MCOLN1: variants seen among roughly 807,000 people sequenced by gnomAD.
MCOLN1 encodes the protein mucolipin TRP cation channel 1, also known as mucolipin-1.
MCOLN1 carries 50 observed loss-of-function variants against 70.3 expected under a neutral mutation model. That is an observed-to-expected ratio of 0.71 (90% CI 0.57 to 0.90). The LOEUF (loss-of-function observed/expected upper bound fraction) is 0.90. Ranked by LOEUF, MCOLN1 falls within the 40% of genes least tolerant of loss-of-function variation. MCOLN1 has a pLI of 0.00. For missense variants in MCOLN1, 598 were observed against 803.5 expected (o/e 0.74, Z 3.09); for synonymous variants, 366 against 341.0 (o/e 1.07, Z -0.81).
rs763962735 is a variant in MCOLN1 at position 7,533,846 on chromosome 19, C to T, written c.*51C>T. On this transcript the variant is annotated 3_prime_UTR_variant, in exon 14 of 14. Transcript: ENST00000264079. ...AGGCCCTGGACTGCAGAGACCCCCGCCCCCGACCCCGCTTATTTATTTGTA... is the reference window on the plus strand; with the variant it reads ...AGGCCCTGGACTGCAGAGACCCCCGTCCCCGACCCCGCTTATTTATTTGTA... 1.9e-6 allele frequency: 3 copies of T among 1,550,710 alleles called. No homozygotes were observed. Among genetic ancestry groups the T allele is most frequent in the South Asian group, 1.1e-5 (1 of 89,630 alleles).
chr19:7,525,137 G>A lies in MCOLN1; in HGVS notation c.208G>A (p.Val70Met). 6.2e-7 allele frequency: 1 copy of A among 1,614,162 alleles called. No individual in the cohort carries two copies. The highest frequency in any genetic ancestry group is 8.5e-7 in the Non-Finnish European group (1 of 1,180,040). ...GRKPCKLMLQ[V>M]VKILVVTVQL... ...CAAGCCCTGCAAGCTGATGCTGCAA[G>A]TGGTCAAGATCCTGGTGGTCACGGT... Residue 70 changes from valine (V) to methionine (M), a missense_variant, in exon 2 of 14, where the codon GTG becomes ATG. Physicochemically the swap from Val to Met is conservative, Grantham distance 21 (BLOSUM62 1). This residue lies in a region of MCOLN1 where 461 missense variants were observed against 588.4 expected (regional missense o/e 0.78). Coordinates refer to ENST00000264079, the MANE Select transcript of MCOLN1 (RefSeq NM_020533.3). This position sits in a 1 kb window ranked among gnomAD's most constrained non-coding sequence, Gnocchi z 4.2.
intron 9 of MCOLN1, 55 bp downstream of exon 9, chr19:7,529,025 T>C: frequency 6.2e-7 from 1 of 1,613,750 alleles, no homozygotes; most frequent in South Asian, 1.1e-5. Context: ...TCAGTGCCTA[T>C]CCGGGGCCAT....
In MCOLN1 at chr19:7,522,634, TG is replaced by T; in HGVS notation, c.-116del. On this transcript the variant is annotated 5_prime_UTR_variant, in exon 1 of 14. Transcript: ENST00000264079. ...TCACGTGACCGAGGCACAGATCAGC[TG>T]ATGCCGGAGGGTTTGAAGCCGCGCC... 9.0e-7 allele frequency: 1 copy of T among 1,113,130 alleles called. No homozygotes were observed. The highest frequency in any genetic ancestry group is 1.2e-6 in the Non-Finnish European group (1 of 820,086). 69.0% of individuals were successfully genotyped at this position (1,113,130 alleles called of 1,614,324 possible).
chr19:7,531,027 A>T (rs146228271), intron 12 of MCOLN1, among the ~76,000 whole-genome samples: 2,174 of 152,282 alleles, frequency 0.014, 56 homozygotes, highest in African/African-American at 0.05. Context: ...GGCGTGAGCC[A>T]CCACGCCCGG....
Position 7,533,979 on chromosome 19 carries a change from A to G in MCOLN1, c.*184A>G, listed in dbSNP as rs1293077847. On this transcript the variant is annotated 3_prime_UTR_variant, in exon 14 of 14. Coordinates refer to ENST00000264079, the MANE Select transcript of MCOLN1 (RefSeq NM_020533.3). ...CTGGGTGGGGAGGGTGTTGAATAAA[A>G]GGGAAAATAAATGTGTCGTTTTCAT... is the stretch of plus-strand genomic sequence containing the variant. The G allele has an allele frequency of 1.0e-5, 7 of 691,212 alleles. No individual in the cohort carries two copies. Among genetic ancestry groups the G allele is most frequent in the Non-Finnish European group, 1.8e-5 (7 of 394,728 alleles). 42.8% of individuals were successfully genotyped at this position (691,212 alleles called of 1,614,324 possible). A position where few individuals can be genotyped will look rare whatever the true frequency, so the allele number is the denominator to read the frequency against.
rs104886461 is a variant in MCOLN1, at chr19:7,526,759, A to G, written c.406-2A>G. 1.0e-4 allele frequency: 169 copies of G among 1,613,752 alleles called. No homozygotes were observed. Among genetic ancestry groups the G allele is most frequent in the Admixed American group, 6.7e-5 (4 of 59,994 alleles). ...ACAGGCCCTCCCCTTCTCTGCCCACAGTACCTGGCGTTGCCTGACGTGTCA... is the reference window on the plus strand; with the variant it reads ...ACAGGCCCTCCCCTTCTCTGCCCACGGTACCTGGCGTTGCCTGACGTGTCA... On this transcript the variant is annotated splice_acceptor_variant, in intron 3 of 13. Coordinates refer to ENST00000264079, the MANE Select transcript of MCOLN1 (RefSeq NM_020533.3). LOFTEE classifies it high-confidence loss of function. The surrounding 1 kb of genome is among the most constrained non-coding windows in gnomAD (Gnocchi z 4.6).
chr19:7,530,837 G>A (rs1467154712), intron 12 of MCOLN1, among the ~76,000 whole-genome samples: 6 of 152,162 alleles, frequency 3.9e-5, no homozygotes, highest in African/African-American at 1.2e-4. Context: ...TCCACCTCCC[G>A]GGTTCAAGCA....
intron 1 of MCOLN1, among the ~76,000 whole-genome samples, chr19:7,523,554 C>T (rs1231929304): frequency 6.6e-6 from 1 of 152,224 alleles, no homozygotes; most frequent in Non-Finnish European, 1.5e-5. Flanking sequence ...GAGGTTCTGA[C>T]AGTGCACACA....
chr19:7,525,298 T>G lies in MCOLN1; in HGVS notation c.237+132T>G. On this transcript the variant is annotated intron_variant, in intron 2 of 13. Transcript: ENST00000264079. This position sits in a 1 kb window ranked among gnomAD's most constrained non-coding sequence, Gnocchi z 4.2. ...CTTGAGGCTGGGAGTTCAAGACCAG[T>G]CTGGCCAGCATGGTGAAACCCCATC... 1.2e-6 allele frequency: 1 copy of G among 817,882 alleles called. No homozygotes were observed. Among genetic ancestry groups the G allele is most frequent in the Non-Finnish European group, 2.0e-6 (1 of 490,950 alleles). The allele number at this position is 817,882 out of a possible 1,614,324, so 50.7% of individuals were successfully genotyped here.
chr19:7,530,251 C>T, intron 11 of MCOLN1, 35 bp from the exon 12 acceptor site: 2 of 1,584,866 alleles, frequency 1.3e-6, no homozygotes, highest in Non-Finnish European at 1.7e-6. Flanking sequence ...CTGGCCATGC[C>T]TTGGCTCCCT....
intron 12 of MCOLN1, chr19:7,533,252 G>A (rs926437872): frequency 5.4e-5 from 31 of 574,282 alleles, no homozygotes; most frequent in South Asian, 1.8e-4. Context: ...TCGAGGTCAT[G>A]TCAGCCCTGG....
At position 7,526,821 on chromosome 19, in the gene MCOLN1, C is replaced by A; in HGVS notation, c.466C>A (p.Pro156Thr). The stretch of plus-strand genomic sequence containing the variant: ...TGCGTATGTCCGTGGTGGGGGTGAC[C>A]CTTGGACCAATGGCTCAGGGCTTGC... ...RYAYVRGGGD[P>T]WTNGSGLALC... Residue 156 changes from proline to threonine, a missense_variant, in exon 4 of 14, where the codon CCT (proline) becomes ACT (threonine). Pro to Thr is a conservative substitution (Grantham distance 38). Around this residue, in one of 3 missense-constraint regions of MCOLN1, gnomAD observed 461 missense variants for 588.4 expected, o/e 0.78. Transcript: ENST00000264079. The surrounding 1 kb of genome is among the most constrained non-coding windows in gnomAD (Gnocchi z 4.6). 1 of 1,614,132 alleles carries A rather than the reference C, an allele frequency of 6.2e-7. No individual in the cohort carries two copies. The highest frequency in any genetic ancestry group is 8.5e-7 in the Non-Finnish European group (1 of 1,180,030).
At chr19:7,529,514 C>CCCCCCCCCCTGGGG in intron 10 of MCOLN1, 76 bp from the exon 11 acceptor site, 1 of 1,071,060 alleles carries the variant, frequency 9.3e-7, no homozygotes, top group Non-Finnish European at 1.4e-6. Flanking sequence ...CCGCCCCTCC[C>CCCCCCCCCCTGGGG]ACCCCCATCT....
chr19:7,529,529 G>GGGCCC, intron 10 of MCOLN1, 61 bp from the exon 11 acceptor site: 9 of 1,481,576 alleles, frequency 6.1e-6, no homozygotes, highest in Middle Eastern at 2.3e-4. Context: ...CCATCTGGGT[G>GGGCCC]CCCACAGCTG....
rs2022610231 is a variant in MCOLN1, at chr19:7,528,755, C to T, written c.984+52C>T. The T allele has an allele frequency of 1.9e-6, 3 of 1,614,144 alleles. No individual in the cohort carries two copies. Among genetic ancestry groups the T allele is most frequent in the East Asian group, 2.2e-5 (1 of 44,872 alleles). ...GTGTCCTCCCCGCCTGGCCCTGGGGCGATAAAAGCCAGGGCTTTGAGGGTC... is the reference window on the plus strand; with the variant it reads ...GTGTCCTCCCCGCCTGGCCCTGGGGTGATAAAAGCCAGGGCTTTGAGGGTC... On this transcript the variant is annotated intron_variant, in intron 8 of 13. Coordinates refer to ENST00000264079, the MANE Select transcript of MCOLN1 (RefSeq NM_020533.3). The surrounding 1 kb of genome is among the most constrained non-coding windows in gnomAD (Gnocchi z 4.2).
chr19:7,526,377 C>T lies in MCOLN1; in HGVS notation c.238-62C>T, dbSNP rs1407329250. Reference sequence around the variant, plus strand: ...CCTGTCCTCTTCCAGGGCCTGTGCCCTGAGGGAGATACACCCCAACCCCCA... The same window carrying T: ...CCTGTCCTCTTCCAGGGCCTGTGCCTTGAGGGAGATACACCCCAACCCCCA... On this transcript the variant is annotated intron_variant, in intron 2 of 13. Transcript: ENST00000264079. The surrounding 1 kb of genome is among the most constrained non-coding windows in gnomAD (Gnocchi z 4.6). The T allele has an allele frequency of 1.2e-6, 2 of 1,600,316 alleles. 1 individual carries two copies. The highest frequency in any genetic ancestry group is 2.2e-5 in the South Asian group (2 of 90,772).
In MCOLN1 at chr19:7,528,016, AG is replaced by A; in HGVS notation, c.777+59del. On this transcript the variant is annotated intron_variant, in intron 6 of 13. Coordinates refer to ENST00000264079, the MANE Select transcript of MCOLN1 (RefSeq NM_020533.3). This position sits in a 1 kb window ranked among gnomAD's most constrained non-coding sequence, Gnocchi z 4.2. Reference sequence around the variant, plus strand: ...TGAGTTCCAGGGCAGGGACCTGGTCAGGGAGTGTCTTGGGAGCACTGGCCAA... The same window carrying A: ...TGAGTTCCAGGGCAGGGACCTGGTCAGGAGTGTCTTGGGAGCACTGGCCAA... The A allele has an allele frequency of 6.4e-7, 1 of 1,559,456 alleles. No homozygotes were observed. Among genetic ancestry groups the A allele is most frequent in the Non-Finnish European group, 8.8e-7 (1 of 1,130,406 alleles).
chr19:7,527,517 T>C lies in MCOLN1; in HGVS notation c.572-3T>C, dbSNP rs1448539233. ...AGGCCCTTCCCTGACTCCCTGTCCT[T>C]AGACTGCATCCAGGTGGATCCCCCC... On this transcript the variant is annotated splice_region_variant and splice_polypyrimidine_tract_variant and intron_variant, in intron 4 of 13. Transcript: ENST00000264079. 8 of 1,435,936 alleles carry C rather than the reference T, an allele frequency of 5.6e-6. No individual in the cohort carries two copies. Among genetic ancestry groups the C allele is most frequent in the Non-Finnish European group, 7.9e-6 (8 of 1,017,266 alleles). The allele number at this position is 1,435,936 out of a possible 1,614,324, so 88.9% of individuals were successfully genotyped here.
At chr19:7,523,576 T>G (rs2022525558) in intron 1 of MCOLN1, among the ~76,000 whole-genome samples, 1 of 152,248 alleles carries the variant, frequency 6.6e-6, no homozygotes, top group South Asian at 2.1e-4. Context: ...TTATCCTGAC[T>G]GCTTTGCTAG....
Sources: gnomAD v4.1 joint callset for allele counts (sites outside exome capture counted in the v4.1 genomes callset) on GRCh38, gnomAD v4.1.1 for gene constraint, gnomAD v4.1.1 regional missense constraint, Gnocchi (gnomAD v3.1) non-coding constraint, MANE v1.5 for transcripts, NCBI Gene and HGNC (gene_info 2026-07-23, HGNC 2026-07-21) for gene names.